Variants in RYR3 observed in about 807,000 individuals in gnomAD.
RYR3 encodes brain ryanodine receptor-calcium release channel.
A neutral mutation model predicts 584.3 loss-of-function variants in RYR3; 207 were observed. The ratio of observed to expected loss-of-function variants is 0.35; its 90% confidence interval spans 0.32 to 0.40. RYR3 has a LOEUF of 0.40. Ranked by LOEUF, RYR3 falls within the 10% of genes least tolerant of loss-of-function variation. RYR3 has a pLI of 1.00. For synonymous variants in RYR3, 2,416 were observed against 2,248.5 expected (o/e 1.07, Z -2.11); for missense variants, 5,616 against 6,089.2 (o/e 0.92, Z 2.59).
At chr15:33,806,291 G>T (rs2076203770) in intron 69 of RYR3, among the ~76,000 whole-genome samples, 1 of 152,060 alleles carries the variant, frequency 6.6e-6, no homozygotes, top group Non-Finnish European at 1.5e-5. Flanking sequence ...GATAACCACT[G>T]GTGATAGTTT....
chr15:33,640,064 C>T (rs1454832590), intron 27 of RYR3, among the ~76,000 whole-genome samples: 1 of 152,190 alleles, frequency 6.6e-6, no homozygotes, highest in African/African-American at 2.4e-5. Context: ...CATGCTGCCT[C>T]TTGCTACAGC....
chr15:33,747,410 G>A (rs995562621), intron 53 of RYR3, among the ~76,000 whole-genome samples: 1 of 80,586 alleles, frequency 1.2e-5, no homozygotes, highest in African/African-American at 4.5e-5. Flanking sequence ...GAGTTTCACT[G>A]TTGTCACCCT....
intron 14 of RYR3, among the ~76,000 whole-genome samples, chr15:33,583,526 C>T (rs116282846): frequency 1.9e-3 from 283 of 152,306 alleles, no homozygotes; most frequent in African/African-American, 6.5e-3. Flanking sequence ...CCCTCCCTTT[C>T]TCATTGCTCT....
rs3084449 is a variant in RYR3 at position 33,490,744 on chromosome 15, TAA to T, written c.172-12873_172-12872del. Among the ~76,000 whole-genome samples the T allele has an allele frequency of 3.0e-3, 427 of 142,324 alleles. 1 individual carries two copies. The highest frequency in any genetic ancestry group is 0.01 in the African/African-American group (390 of 38,658). 93.4% of individuals were successfully genotyped at this position (142,324 alleles called of 152,430 possible). A position where few individuals can be genotyped will look rare whatever the true frequency, so the allele number is the denominator to read the frequency against. ...AACAGCTAAAGAGTATTACTCTTGT[TAA>T]AAAAAAAAAAAAAGAGTCAAGAAAG... On this transcript the variant is annotated intron_variant, in intron 2 of 103. Coordinates refer to ENST00000634891, the MANE Select transcript of RYR3 (RefSeq NM_001036.6).
chr15:33,450,134 A>G (rs1195314517), intron 1 of RYR3, among the ~76,000 whole-genome samples: 1 of 145,632 alleles, frequency 6.9e-6, no homozygotes, highest in Non-Finnish European at 1.5e-5. Context: ...GAGCATTAGC[A>G]GTTACAGTTC....
chr15:33,453,198 A>G (rs138432173), intron 1 of RYR3, among the ~76,000 whole-genome samples: 14 of 152,300 alleles, frequency 9.2e-5, no homozygotes, highest in African/African-American at 3.1e-4. Context: ...TGGCTTAAGA[A>G]CATTTGAAAG....
chr15:33,748,970 A>G (rs938572861), intron 55 of RYR3, among the ~76,000 whole-genome samples: 1 of 152,196 alleles, frequency 6.6e-6, no homozygotes, highest in Admixed American at 6.5e-5. Flanking sequence ...TGAATTCTAT[A>G]TAAATAGTTG....
intron 102 of RYR3, among the ~76,000 whole-genome samples, chr15:33,862,424 C>G (rs914132110): frequency 7.9e-5 from 12 of 151,672 alleles, no homozygotes; most frequent in African/African-American, 2.9e-4. Context: ...CCAGGCTGAT[C>G]TCGAACTCCT....
At chr15:33,641,058 G>A (rs532028410) in intron 27 of RYR3, among the ~76,000 whole-genome samples, 6 of 152,292 alleles carry the variant, frequency 3.9e-5, no homozygotes, top group South Asian at 2.1e-4. Flanking sequence ...TTTCCTCTAC[G>A]GGGCCTGGAG....
intron 9 of RYR3, 122 bp downstream of exon 9, chr15:33,548,326 G>T: frequency 1.6e-6 from 1 of 615,466 alleles, no homozygotes; most frequent in East Asian, 2.9e-5. Context: ...TTTGTCTAGA[G>T]CTAAGTTCTG....
chr15:33,760,596 T>C (rs1327366884), intron 60 of RYR3, among the ~76,000 whole-genome samples: 2 of 152,106 alleles, frequency 1.3e-5, no homozygotes, highest in African/African-American at 4.8e-5. Context: ...GCACCCAGAC[T>C]CATAAAGCAA....
chr15:33,775,075 A>C (rs2152893297), intron 64 of RYR3, among the ~76,000 whole-genome samples: 1 of 151,722 alleles, frequency 6.6e-6, no homozygotes, highest in South Asian at 2.1e-4. Flanking sequence ...GTGTCAGACC[A>C]GAAAAAGACT....
In RYR3 at chr15:33,649,348, G is replaced by C. The variant is rs771837010; in HGVS notation, c.4142+113G>C. 4.9e-4 allele frequency: 503 copies of C among 1,030,294 alleles called. 2 individuals carry two copies. The highest frequency in any genetic ancestry group is 3.4e-4 in the Non-Finnish European group (243 of 708,686). The allele number at this position is 1,030,294 out of a possible 1,614,324, so 63.8% of individuals were successfully genotyped here. A position where few individuals can be genotyped will look rare whatever the true frequency, so the allele number is the denominator to read the frequency against. On this transcript the variant is annotated intron_variant, in intron 31 of 103. Transcript: ENST00000634891. ...GGAAACATCTTGGCCTCTCTTAAAA[G>C]GAGAAAATGAAGCACAGACTTCAAA...
intron 2 of RYR3, among the ~76,000 whole-genome samples, chr15:33,501,790 C>G (rs1843579764): frequency 6.6e-6 from 1 of 152,174 alleles, no homozygotes; most frequent in African/African-American, 2.4e-5. Flanking sequence ...ATGTACTGTA[C>G]AAACATTTCC....
intron 1 of RYR3, among the ~76,000 whole-genome samples, chr15:33,357,171 A>G (rs1200438088): frequency 6.6e-6 from 1 of 152,164 alleles, no homozygotes; most frequent in South Asian, 2.1e-4. Context: ...AGGAGGGCCC[A>G]GCCCTACTTC....
chr15:33,697,607 G>A (rs1192708858), intron 39 of RYR3, among the ~76,000 whole-genome samples: 1 of 152,000 alleles, frequency 6.6e-6, no homozygotes, highest in Non-Finnish European at 1.5e-5. Context: ...ATTATTACAA[G>A]AAAAAATAAA....
At chr15:33,453,556 A>G (rs748564147) in intron 1 of RYR3, among the ~76,000 whole-genome samples, 5 of 152,210 alleles carry the variant, frequency 3.3e-5, no homozygotes, top group Non-Finnish European at 2.9e-5. Context: ...GCAAAAAGGA[A>G]CAACTGCTGT....
chr15:33,846,328 T>C (rs2078722203), intron 93 of RYR3, among the ~76,000 whole-genome samples: 1 of 152,130 alleles, frequency 6.6e-6, no homozygotes, highest in African/African-American at 2.4e-5. Flanking sequence ...TGCTGCATGG[T>C]AGAGGGGAGA....
intron 2 of RYR3, among the ~76,000 whole-genome samples, chr15:33,484,910 A>G (rs1440934154): frequency 1.3e-5 from 2 of 152,212 alleles, no homozygotes; most frequent in Non-Finnish European, 2.9e-5. Flanking sequence ...GATGGAAGTA[A>G]TGTTCAGGAG....
Sources: allele counts gnomAD v4.1 joint callset (sites outside exome capture counted in the v4.1 genomes callset), GRCh38; gene constraint gnomAD v4.1.1; transcripts MANE v1.5; gene names NCBI Gene and HGNC (gene_info 2026-07-23, HGNC 2026-07-21).